The following CCSER1 variants were observed in gnomAD, a reference collection of about 807,000 sequenced individuals.
CCSER1 encodes the protein serine-rich coiled-coil domain-containing protein 1.
A neutral mutation model predicts 82.0 loss-of-function variants in CCSER1; 41 were observed. The observed-to-expected ratio is 0.50, with a 90% confidence interval of 0.39 to 0.65. The LOEUF (loss-of-function observed/expected upper bound fraction) is 0.65, where lower values mean the gene tolerates loss of function less well. CCSER1 is among the 30% of genes least tolerant of loss of function. The pLI, the probability that CCSER1 is intolerant of heterozygous loss-of-function variation, is 0.00. For synonymous variants in CCSER1, 414 were observed against 383.9 expected, an observed-to-expected ratio of 1.08 and a Z score of -0.92; for missense variants, 1,119 against 1,064.2, an observed-to-expected ratio of 1.05 and a Z score of -0.72.
At chr4:91,329,711 C>A (rs976344798) in intron 10 of CCSER1, among the ~76,000 whole-genome samples, 3 of 152,068 alleles carry the variant, frequency 2.0e-5, no homozygotes, top group African/African-American at 7.2e-5. Flanking sequence ...GGCACTAATC[C>A]CATTTATGAG....
chr4:91,484,715 C>T (rs1403050572), intron 10 of CCSER1, among the ~76,000 whole-genome samples: 1 of 151,904 alleles, frequency 6.6e-6, no homozygotes, highest in Admixed American at 6.6e-5. Context: ...AAGTGTGATC[C>T]CCAAAACAGT....
At chr4:91,517,052 A>G (rs992437777) in intron 10 of CCSER1, among the ~76,000 whole-genome samples, 2 of 152,114 alleles carry the variant, frequency 1.3e-5, no homozygotes, top group African/African-American at 4.8e-5. Flanking sequence ...TTGATTTCTT[A>G]TCCTGAAACT....
intron 1 of CCSER1, among the ~76,000 whole-genome samples, chr4:90,233,379 A>T (rs957226781): frequency 5.3e-5 from 8 of 152,250 alleles, no homozygotes; most frequent in African/African-American, 1.9e-4. Context: ...AAGAACAAAA[A>T]ACCCAACACC....
intron 10 of CCSER1, among the ~76,000 whole-genome samples, chr4:91,430,014 A>T (rs962925047): frequency 6.6e-6 from 1 of 152,014 alleles, no homozygotes; most frequent in Admixed American, 6.5e-5. Flanking sequence ...ACTTTAAAAA[A>T]TTTTTAGCTT....
intron 9 of CCSER1, among the ~76,000 whole-genome samples, chr4:90,961,002 T>C (rs1734001279): frequency 6.6e-6 from 1 of 152,146 alleles, no homozygotes; most frequent in Admixed American, 6.6e-5. Flanking sequence ...GCAACCTGTC[T>C]CCCTAATTAT....
chr4:90,475,886 A>AC (rs1418659573), intron 5 of CCSER1, among the ~76,000 whole-genome samples: 1 of 152,138 alleles, frequency 6.6e-6, no homozygotes, highest in African/African-American at 2.4e-5. Context: ...GAGTACCACT[A>AC]CCCGCTACCT....
At chr4:91,585,822 G>C (rs990918405) in intron 10 of CCSER1, among the ~76,000 whole-genome samples, 2 of 151,624 alleles carry the variant, frequency 1.3e-5, no homozygotes, top group East Asian at 3.9e-4. Context: ...AGGAATTAAA[G>C]AGGGAGCTAG....
chr4:90,135,004 GT>G (rs1043013010), intron 1 of CCSER1, among the ~76,000 whole-genome samples: 4 of 152,026 alleles, frequency 2.6e-5, no homozygotes, highest in South Asian at 2.1e-4. Flanking sequence ...ATTAAAAAAT[GT>G]TTTTTTAACT....
Position 90,634,668 on chromosome 4 carries a change from A to G in CCSER1, c.1932+6436A>G, listed in dbSNP as rs541873285. On this transcript the variant is annotated intron_variant, in intron 6 of 10. Transcript: ENST00000509176. The stretch of plus-strand genomic sequence containing the variant: ...TATAGGGTAGGAACTTCAGCAATGG[A>G]TAATTAGAGAAGGAAATGGCCACAG... Among the ~76,000 whole-genome samples the G allele has an allele frequency of 2.6e-5, 4 of 151,954 alleles. No homozygotes were observed. In the East Asian group the frequency reaches 5.8e-4, roughly 22 times the overall value.
At chr4:90,448,649 A>G (rs894733414) in intron 4 of CCSER1, among the ~76,000 whole-genome samples, 17 of 151,530 alleles carry the variant, frequency 1.1e-4, no homozygotes, top group Admixed American at 3.3e-4. Flanking sequence ...TTTTTTCTGT[A>G]TCATTTAGGT....
chr4:91,407,360 A>C (rs1019651849), intron 10 of CCSER1, among the ~76,000 whole-genome samples: 3 of 152,162 alleles, frequency 2.0e-5, no homozygotes, highest in Admixed American at 6.6e-5. Context: ...GAGAGTGACC[A>C]TGTATTTATA....
intron 7 of CCSER1, among the ~76,000 whole-genome samples, chr4:90,729,481 G>T (rs1744308694): frequency 6.6e-6 from 1 of 152,184 alleles, no homozygotes; most frequent in East Asian, 1.9e-4. Context: ...TATTAATTTT[G>T]AGAAGGAGTA....
At chr4:91,496,613 T>C (rs1276528362) in intron 10 of CCSER1, among the ~76,000 whole-genome samples, 1 of 25,174 alleles carries the variant, frequency 4.0e-5, no homozygotes, top group Non-Finnish European at 8.9e-5. Context: ...AATATATATA[T>C]ACACGAATAT....
chr4:91,534,617 ATAT>A (rs1761205744), intron 10 of CCSER1, among the ~76,000 whole-genome samples: 1 of 151,934 alleles, frequency 6.6e-6, no homozygotes, highest in African/African-American at 2.4e-5. Context: ...ACTGTTGCTG[ATAT>A]TATTGCTATT....
intron 5 of CCSER1, among the ~76,000 whole-genome samples, chr4:90,572,850 C>T (rs1780283257): frequency 6.6e-6 from 1 of 152,104 alleles, no homozygotes; most frequent in Non-Finnish European, 1.5e-5. Context: ...CCATTGATAC[C>T]ATATTTTGTC....
chr4:91,085,754 T>C (rs1723322744), intron 9 of CCSER1, among the ~76,000 whole-genome samples, 196 bp from the exon 10 acceptor site: 1 of 150,644 alleles, frequency 6.6e-6, no homozygotes, highest in South Asian at 2.1e-4. Context: ...AGGAAATGCA[T>C]TGGGACTACA....
intron 1 of CCSER1, among the ~76,000 whole-genome samples, chr4:90,170,613 C>T (rs1418218814): frequency 6.6e-6 from 1 of 151,780 alleles, no homozygotes; most frequent in South Asian, 2.1e-4. Flanking sequence ...TAGATGAGAA[C>T]ATATGCAATT....
chr4:91,190,491 C>T (rs2149047429), intron 10 of CCSER1, among the ~76,000 whole-genome samples: 1 of 152,246 alleles, frequency 6.6e-6, no homozygotes, highest in East Asian at 1.9e-4. Flanking sequence ...CTAAGCCTTG[C>T]TCTTGATATG....
At chr4:90,932,982 G>GAAAGAAAGAAAGAAAGAGAAAGAA (rs771267852) in intron 9 of CCSER1, among the ~76,000 whole-genome samples, 1 of 18,870 alleles carries the variant, frequency 5.3e-5, no homozygotes, top group African/African-American at 3.6e-4. Context: ...AAGAAAGAAA[G>GAAAGAAAGAAAGAAAGAGAAAGAA]AGAAAGAAAG....
Sources: allele counts gnomAD v4.1 joint callset (sites outside exome capture counted in the v4.1 genomes callset), GRCh38; gene constraint gnomAD v4.1.1; transcripts MANE v1.5; gene names NCBI Gene and HGNC (gene_info 2026-07-23, HGNC 2026-07-21).